Variants in CYBB observed in about 807,000 individuals in gnomAD.
The protein encoded by CYBB is cytochrome b-245 beta chain.
CYBB carries 5 observed loss-of-function variants against 46.5 expected under a neutral mutation model. That is an observed-to-expected ratio of 0.11 (90% CI 0.06 to 0.23). The LOEUF (loss-of-function observed/expected upper bound fraction) is 0.23, where lower values mean the gene tolerates loss of function less well. Among genes scored for constraint, CYBB ranks in the 10% least tolerant of loss-of-function variants. The probability of loss-of-function intolerance (pLI) is 1.00; values close to 1 mark genes in which losing one functional copy is unlikely to be tolerated. For missense variants in CYBB, 307 were observed against 428.3 expected (o/e 0.72, Z 2.50); for synonymous variants, 183 against 156.7 (o/e 1.17, Z -1.26).
chrX:37,797,141 G>A (rs1274239752), intron 6 of CYBB, among the ~76,000 whole-genome samples: 1 of 111,046 alleles, frequency 9.0e-6, no homozygotes, highest in Non-Finnish European at 1.9e-5. Flanking sequence ...CTGTGAAAAA[G>A]GGGAAGGGTG....
rs1556468326 is a variant in CYBB at position 37,795,984 on chromosome X, C to T, written c.517C>T (p.Leu173=). Reference sequence around the variant, plus strand: ...AGGAGGCCTGTACCTGGCTGTGACCCTGTTGGCAGGCATCACTGGAGTTGT... The same window carrying T: ...AGGAGGCCTGTACCTGGCTGTGACCTTGTTGGCAGGCATCACTGGAGTTGT... ...PEGGLYLAVT[L]LAGITGVVIT... The change falls in exon 6 of 13, where the codon CTG becomes TTG. Residue 173 remains leucine, a synonymous_variant. Coordinates refer to ENST00000378588, the MANE Select transcript of CYBB (RefSeq NM_000397.4). 1 of 1,208,028 alleles carries T rather than the reference C, an allele frequency of 8.3e-7. No homozygotes were observed. Among genetic ancestry groups the T allele is most frequent in the South Asian group, 1.8e-5 (1 of 56,873 alleles).
intron 3 of CYBB, among the ~76,000 whole-genome samples, chrX:37,786,750 T>C (rs186624541): frequency 3.8e-4 from 42 of 111,321 alleles, no homozygotes; most frequent in African/African-American, 1.3e-3. Context: ...TCTGTCTGGA[T>C]GGCAGTCCTA....
rs781798398 is a variant in CYBB at position 37,804,755 on chromosome X, T to TA, written c.1152-237dup. 8.2e-3 allele frequency among the ~76,000 whole-genome samples: 813 copies of TA among 99,389 alleles called. 5 individuals are homozygous for TA. The highest frequency in any genetic ancestry group is 0.024 in the African/African-American group (672 of 27,468). The allele number at this position is 99,389 out of a possible 115,157, so 86.3% of individuals were successfully genotyped here. A position where few individuals can be genotyped will look rare whatever the true frequency, so the allele number is the denominator to read the frequency against. ...TGTGTGTGAAGAGGGGTGGGGAGAT[T>TA]AAAAAAAAAAAAAACTTGTTCTGAG... On this transcript the variant is annotated intron_variant, in intron 9 of 12. Coordinates refer to ENST00000378588, the MANE Select transcript of CYBB (RefSeq NM_000397.4).
chrX:37,781,826 A>T (rs1370961279), intron 1 of CYBB, among the ~76,000 whole-genome samples: 1 of 111,876 alleles, frequency 8.9e-6, no homozygotes, highest in Non-Finnish European at 1.9e-5. Flanking sequence ...GGAGTGGGGT[A>T]ATGTAAGACT....
chrX:37,805,288 G>A, intron 10 of CYBB, 120 bp downstream of exon 10: 6 of 700,370 alleles, frequency 8.6e-6, no homozygotes, highest in Admixed American at 2.6e-5. Context: ...AAAAGCTTCC[G>A]GTGGTTCCAG....
At chrX:37,803,504 TAA>T (rs1929489610) in intron 8 of CYBB, among the ~76,000 whole-genome samples, 1 of 111,348 alleles carries the variant, frequency 9.0e-6, no homozygotes, top group Admixed American at 9.5e-5. Flanking sequence ...AGGAATTCTA[TAA>T]GAGATAAACC....
At chrX:37,782,799 G>T (rs1254189055) in intron 2 of CYBB, among the ~76,000 whole-genome samples, 1 of 110,612 alleles carries the variant, frequency 9.0e-6, no homozygotes, top group East Asian at 2.8e-4. Flanking sequence ...TGAATTAATT[G>T]CTTAATATTA....
At position 37,812,596 on chromosome X, in the gene CYBB, C is replaced by A. The variant is rs1929697991; in HGVS notation, c.*1679C>A. On this transcript the variant is annotated 3_prime_UTR_variant, in exon 13 of 13. Coordinates refer to ENST00000378588, the MANE Select transcript of CYBB (RefSeq NM_000397.4). Reference sequence around the variant, plus strand: ...GTTTTGATTATCTATGGTATTGAATCTTTTAAAATCTGGTCACAAATTTTG... The same window carrying A: ...GTTTTGATTATCTATGGTATTGAATATTTTAAAATCTGGTCACAAATTTTG... The A allele has an allele frequency of 9.0e-6, 1 of 111,585 alleles. No individual in the cohort carries two copies. Among genetic ancestry groups the A allele is most frequent in the Non-Finnish European group, 1.9e-5 (1 of 53,078 alleles). 9.2% of individuals were successfully genotyped at this position (111,585 alleles called of 1,213,427 possible).
At chrX:37,795,878 G>C in intron 5 of CYBB, 73 bp from the exon 6 acceptor site, 1 of 791,370 alleles carries the variant, frequency 1.3e-6, no homozygotes, top group Non-Finnish European at 1.9e-6. Context: ...CTATAATATT[G>C]TGCTTGCGCA....
Position 37,795,982 on chromosome X carries a change from C to T in CYBB, c.515C>T (p.Thr172Ile). The change falls in exon 6 of 13, where the codon ACC becomes ATC. Residue 172 changes from threonine to isoleucine, a missense_variant. Transcript: ENST00000378588. ...NPEGGLYLAV[T>I]LLAGITGVVI... ...GAAGGAGGCCTGTACCTGGCTGTGA[C>T]CCTGTTGGCAGGCATCACTGGAGTT... 1 of 1,207,118 alleles carries T rather than the reference C, an allele frequency of 8.3e-7. No individual in the cohort carries two copies. Among genetic ancestry groups the T allele is most frequent in the Non-Finnish European group, 1.1e-6 (1 of 893,165 alleles).
intron 3 of CYBB, 60 bp downstream of exon 3, chrX:37,783,660 CT>C: frequency 1.3e-6 from 1 of 742,065 alleles, no homozygotes; most frequent in Non-Finnish European, 2.1e-6. Context: ...GCAAAATGCC[CT>C]TTTTTAGGTA....
At chrX:37,797,994 C>A (rs1039756375) in intron 6 of CYBB, among the ~76,000 whole-genome samples, 2 of 111,900 alleles carry the variant, frequency 1.8e-5, no homozygotes, top group Non-Finnish European at 3.8e-5. Context: ...TTTCCCCAAG[C>A]CTGGCACATG....
At chrX:37,801,456 CT>C (rs1296727897) in intron 8 of CYBB, 108 bp downstream of exon 8, 10 of 578,617 alleles carry the variant, frequency 1.7e-5, no homozygotes, top group Non-Finnish European at 3.1e-5. Flanking sequence ...GAGAGAAGAC[CT>C]ACAATTTATT....
chrX:37,809,904 G>C (rs782317073), intron 12 of CYBB, among the ~76,000 whole-genome samples: 1 of 111,854 alleles, frequency 8.9e-6, no homozygotes, highest in Admixed American at 9.5e-5. Flanking sequence ...TTAAAAACAA[G>C]TATTTCCAGG....
chrX:37,796,755 T>G (rs1258726285), intron 6 of CYBB, among the ~76,000 whole-genome samples: 1 of 111,776 alleles, frequency 8.9e-6, no homozygotes, highest in African/African-American at 3.3e-5. Context: ...AATGTATAGA[T>G]TTCTCACTAT....
At chrX:37,781,019 C>G (rs186148160) in intron 1 of CYBB, among the ~76,000 whole-genome samples, 1 of 111,602 alleles carries the variant, frequency 9.0e-6, no homozygotes, top group Middle Eastern at 4.3e-3. Context: ...AATAATGAGT[C>G]TTTGAGTTTT....
intron 3 of CYBB, among the ~76,000 whole-genome samples, 176 bp downstream of exon 3, chrX:37,783,776 G>A (rs2146804262): frequency 9.1e-6 from 1 of 110,061 alleles, no homozygotes; most frequent in East Asian, 2.8e-4. Flanking sequence ...AGCTCCCTAA[G>A]ACAACTATTT....
At chrX:37,809,524 C>G (rs1929627488) in intron 11 of CYBB, 43 bp from the exon 12 acceptor site, 1 of 1,169,380 alleles carries the variant, frequency 8.6e-7, no homozygotes, top group Admixed American at 2.5e-5. Flanking sequence ...TGTGCTTTTA[C>G]AGAATGTCTC....
intron 3 of CYBB, among the ~76,000 whole-genome samples, chrX:37,786,221 C>A (rs1205142068): frequency 9.0e-6 from 1 of 111,562 alleles, no homozygotes; most frequent in Non-Finnish European, 1.9e-5. Flanking sequence ...CTCATTGAAG[C>A]TTAATGGAAT....
Sources: allele counts gnomAD v4.1 joint callset (sites outside exome capture counted in the v4.1 genomes callset), GRCh38; gene constraint gnomAD v4.1.1; transcripts MANE v1.5; gene names NCBI Gene and HGNC (gene_info 2026-07-23, HGNC 2026-07-21).